The following UBXN7 variants were observed in gnomAD, a reference collection of about 807,000 sequenced individuals.
UBXN7 encodes UBX domain-containing protein 7.
In UBXN7, 9 loss-of-function variants were observed where a neutral mutation model predicts 58.0. That is an observed-to-expected ratio of 0.16 (90% CI 0.09 to 0.27). UBXN7 has a LOEUF of 0.27. Among genes scored for constraint, UBXN7 ranks in the 10% least tolerant of loss-of-function variants. UBXN7 has a pLI of 1.00. For missense variants in UBXN7, 328 were observed against 599.6 expected (o/e 0.55, Z 4.73); for synonymous variants, 208 against 205.0 (o/e 1.01, Z -0.12).
At chr3:196,388,021 C>G (rs1729463522) in intron 5 of UBXN7, among the ~76,000 whole-genome samples, 1 of 151,994 alleles carries the variant, frequency 6.6e-6, no homozygotes, top group Non-Finnish European at 1.5e-5. Flanking sequence ...CTATTCACAA[C>G]AGCAAAGACT....
At chr3:196,394,222 A>T (rs2108847039) in intron 3 of UBXN7, among the ~76,000 whole-genome samples, 1 of 145,234 alleles carries the variant, frequency 6.9e-6, no homozygotes, top group East Asian at 2.1e-4. Context: ...TAGGAGACAG[A>T]GGTTGCAGTA....
chr3:196,382,587 G>C (rs564811723), intron 5 of UBXN7, among the ~76,000 whole-genome samples: 10 of 152,230 alleles, frequency 6.6e-5, no homozygotes, highest in Admixed American at 6.5e-4. Context: ...CAACTAATGG[G>C]CAAAATAACC....
chr3:196,375,185 A>C (rs200139486), intron 5 of UBXN7, among the ~76,000 whole-genome samples: 2 of 77,992 alleles, frequency 2.6e-5, no homozygotes, highest in Admixed American at 2.5e-4. Context: ...TGCTCTTACC[A>C]CACACACACA....
chr3:196,362,733 C>CA, intron 8 of UBXN7, 46 bp from the exon 9 acceptor site: 4 of 1,548,342 alleles, frequency 2.6e-6, no homozygotes, highest in South Asian at 2.5e-5. Flanking sequence ...CAAGTTAAAC[C>CA]AAAAAACAAG....
chr3:196,413,265 G>A (rs936213044), intron 1 of UBXN7, among the ~76,000 whole-genome samples: 5 of 152,240 alleles, frequency 3.3e-5, no homozygotes, highest in South Asian at 4.1e-4. Flanking sequence ...TTGAACCCAG[G>A]AGGCAGAGGT....
At chr3:196,420,331 G>C (rs573089404) in intron 1 of UBXN7, among the ~76,000 whole-genome samples, 3 of 152,116 alleles carry the variant, frequency 2.0e-5, no homozygotes, top group African/African-American at 4.8e-5. Flanking sequence ...TCAGAAGTTT[G>C]AGACCAGCTA....
intron 3 of UBXN7, among the ~76,000 whole-genome samples, chr3:196,401,950 C>A (rs1730008438): frequency 6.6e-6 from 1 of 151,810 alleles, no homozygotes; most frequent in Non-Finnish European, 1.5e-5. Flanking sequence ...ATGTAACAAA[C>A]CTGCACATGT....
At chr3:196,396,472 C>A (rs894007509) in intron 3 of UBXN7, among the ~76,000 whole-genome samples, 5 of 151,620 alleles carry the variant, frequency 3.3e-5, no homozygotes, top group Non-Finnish European at 5.9e-5. Context: ...AATTAAGAAA[C>A]TGGCTGGAGG....
intron 2 of UBXN7, among the ~76,000 whole-genome samples, chr3:196,403,554 T>C (rs1191679636): frequency 6.6e-6 from 1 of 152,116 alleles, no homozygotes; most frequent in Non-Finnish European, 1.5e-5. Context: ...TAAAAACAAT[T>C]TCCCCTTCCC....
In UBXN7 at chr3:196,356,455, G is replaced by A. The variant is rs753542686; in HGVS notation, c.*230C>T. 9.7e-6 allele frequency: 4 copies of A among 413,088 alleles called. No homozygotes were observed. Among genetic ancestry groups the A allele is most frequent in the Middle Eastern group, 6.2e-4 (1 of 1,616 alleles). The allele number at this position is 413,088 out of a possible 1,614,324, so 25.6% of individuals were successfully genotyped here. ...GGTAAGAAAGAAAAGTGTGGGGGGA[G>A]GGGGAGGCAGAAGGGTACGGAGTGG... On this transcript the variant is annotated 3_prime_UTR_variant, in exon 11 of 11. Transcript: ENST00000296328.
At chr3:196,368,863 C>G (rs1054725233) in intron 7 of UBXN7, among the ~76,000 whole-genome samples, 1 of 152,086 alleles carries the variant, frequency 6.6e-6, no homozygotes, top group Non-Finnish European at 1.5e-5. Context: ...CACTCTGTTG[C>G]CCAGGCTGGA....
intron 2 of UBXN7, among the ~76,000 whole-genome samples, chr3:196,406,563 C>T (rs1730167950): frequency 6.6e-6 from 1 of 152,030 alleles, no homozygotes; most frequent in Non-Finnish European, 1.5e-5. Flanking sequence ...CCTCAGCCTC[C>T]CGAGTAGCTG....
rs115765490 is a variant in UBXN7, at chr3:196,399,626, A to G, written c.289+3326T>C. Among the ~76,000 whole-genome samples, 1,311 of 152,208 alleles carry G rather than the reference A, an allele frequency of 8.6e-3. 18 individuals are homozygous for G. Among genetic ancestry groups the G allele is most frequent in the African/African-American group, 0.03 (1,228 of 41,534 alleles). On this transcript the variant is annotated intron_variant, in intron 3 of 10. Transcript: ENST00000296328. ...GAATTTATTTTTATTTTTTGTAGAG[A>G]TAAGAGTCTTCCTATGTTGTCTGGG...
chr3:196,395,453 A>AT (rs999520813), intron 3 of UBXN7, among the ~76,000 whole-genome samples: 23 of 150,844 alleles, frequency 1.5e-4, no homozygotes, highest in South Asian at 4.2e-4. Flanking sequence ...GTTTTATTTT[A>AT]TTTTTTTTTG....
At chr3:196,417,463 C>T (rs1172596724) in intron 1 of UBXN7, among the ~76,000 whole-genome samples, 3 of 152,086 alleles carry the variant, frequency 2.0e-5, no homozygotes, top group Admixed American at 2.0e-4. Flanking sequence ...TAATAAGAGC[C>T]TGGGAACTAC....
chr3:196,393,498 T>C (rs1194808160), intron 4 of UBXN7, 56 bp downstream of exon 4: 1 of 1,523,714 alleles, frequency 6.6e-7, no homozygotes, highest in Non-Finnish European at 8.9e-7. Flanking sequence ...TAATCATCTT[T>C]GTCTTTTTAA....
intron 2 of UBXN7, among the ~76,000 whole-genome samples, chr3:196,406,735 C>T (rs535959749): frequency 1.1e-4 from 16 of 152,264 alleles, no homozygotes; most frequent in East Asian, 5.8e-4. Flanking sequence ...TGAGCCACCG[C>T]GCCCAGCCTA....
chr3:196,373,685 T>G lies in UBXN7; in HGVS notation c.469-1643A>C, dbSNP rs1034983330. Among the ~76,000 whole-genome samples the G allele has an allele frequency of 2.6e-5, 4 of 152,300 alleles. 1 individual carries two copies. Among genetic ancestry groups the G allele is most frequent in the Non-Finnish European group, 1.5e-5 (1 of 68,018 alleles). ...ATCATCTCACAAATAGCTTTTTTTT[T>G]GTATGAATCCCCCAGAATAAATTAT... On this transcript the variant is annotated intron_variant, in intron 5 of 10. Coordinates refer to ENST00000296328, the MANE Select transcript of UBXN7 (RefSeq NM_015562.2).
In UBXN7 at chr3:196,350,943, A is replaced by G. The variant is rs1728194460; in HGVS notation, c.*5742T>C. 1 of 152,204 alleles carries G rather than the reference A, an allele frequency of 6.6e-6. No individual in the cohort carries two copies. Among genetic ancestry groups the G allele is most frequent in the Non-Finnish European group, 1.5e-5 (1 of 68,026 alleles). The allele number at this position is 152,204 out of a possible 1,614,324, so 9.4% of individuals were successfully genotyped here. ...ACAGCTGTCTTTAGCCTATTCATCA[A>G]GGCTGGTATTACCGGAAAACTGCCA... On this transcript the variant is annotated 3_prime_UTR_variant, in exon 11 of 11. Transcript: ENST00000296328.
Sources: gnomAD v4.1 joint callset for allele counts (sites outside exome capture counted in the v4.1 genomes callset) on GRCh38, gnomAD v4.1.1 for gene constraint, MANE v1.5 for transcripts, NCBI Gene and HGNC (gene_info 2026-07-23, HGNC 2026-07-21) for gene names.